The following SORCS2 variants were observed in gnomAD, a reference collection of about 807,000 sequenced individuals.
The protein encoded by SORCS2 is sortilin related VPS10 domain containing receptor 2, also known as VPS10 domain-containing receptor SorCS2.
In SORCS2, 100 loss-of-function variants were observed where a neutral mutation model predicts 141.6. The observed-to-expected ratio is 0.71, with a 90% CI of 0.60 to 0.83. The LOEUF (loss-of-function observed/expected upper bound fraction) is 0.83. Among genes scored for constraint, SORCS2 ranks in the 40% least tolerant of loss-of-function variants. The probability of loss-of-function intolerance (pLI) is 0.00; values close to 1 mark genes in which losing one functional copy is unlikely to be tolerated. For missense variants in SORCS2, 1,646 were observed against 1,560.2 expected (o/e 1.05, Z -0.93); for synonymous variants, 789 against 676.9 (o/e 1.17, Z -2.57).
Position 7,676,132 on chromosome 4 carries a change from A to G in SORCS2, c.1244A>G (p.Tyr415Cys). The G allele has an allele frequency of 6.3e-7, 1 of 1,578,090 alleles. No homozygotes were observed. The highest frequency in any genetic ancestry group is 1.7e-4 in the Middle Eastern group (1 of 6,022). ...EWYQMDTYNLYQSDPRGVRYA... is the reference protein window; with the variant it reads ...EWYQMDTYNLCQSDPRGVRYA... The stretch of plus-strand genomic sequence containing the variant: ...TACCAGATGGACACCTACAACCTGT[A>G]CCAGTCGGACCCACGGGGCGTGCGC... Residue 415 changes from tyrosine (Y) to cysteine (C), a missense_variant, in exon 9 of 27, where the codon TAC (tyrosine) becomes TGC (cysteine). Tyr to Cys is a radical substitution (Grantham distance 194, BLOSUM62 -2). Transcript: ENST00000507866.
chr4:7,500,123 C>T (rs113914085), intron 2 of SORCS2, among the ~76,000 whole-genome samples: 213 of 152,286 alleles, frequency 1.4e-3, no homozygotes, highest in Middle Eastern at 6.8e-3. Context: ...GCCTGTAACC[C>T]ACTCACCATC....
chr4:7,469,842 A>C (rs775321444), intron 2 of SORCS2, among the ~76,000 whole-genome samples: 1 of 152,152 alleles, frequency 6.6e-6, no homozygotes, highest in African/African-American at 2.4e-5. Context: ...CTGGCATCTC[A>C]TGGGGAGGCG....
chr4:7,275,929 A>T (rs79842534), intron 1 of SORCS2, among the ~76,000 whole-genome samples: 2,141 of 152,308 alleles, frequency 0.014, 54 homozygotes, highest in African/African-American at 0.048. Context: ...GTCCGAAAAA[A>T]GAATGCAAAT....
At chr4:7,507,521 G>A (rs1291131370) in intron 2 of SORCS2, among the ~76,000 whole-genome samples, 1 of 152,130 alleles carries the variant, frequency 6.6e-6, no homozygotes, top group African/African-American at 2.4e-5. Context: ...TCTAAGAATA[G>A]AAAAATTTTC....
chr4:7,416,332 A>G (rs1376867477), intron 2 of SORCS2, among the ~76,000 whole-genome samples: 1 of 152,170 alleles, frequency 6.6e-6, no homozygotes, highest in Non-Finnish European at 1.5e-5. Flanking sequence ...TGCTTGGCCC[A>G]CAGAGCTCCC....
intron 8 of SORCS2, among the ~76,000 whole-genome samples, chr4:7,668,194 T>C (rs147784466): frequency 6.6e-6 from 1 of 152,172 alleles, no homozygotes; most frequent in East Asian, 1.9e-4. Flanking sequence ...GACAGACAAA[T>C]GCATAAAATA....
At chr4:7,473,452 C>T (rs28361965) in intron 2 of SORCS2, among the ~76,000 whole-genome samples, 4 of 151,974 alleles carry the variant, frequency 2.6e-5, no homozygotes, top group East Asian at 3.9e-4. Flanking sequence ...CTTCACCCTG[C>T]GGTTGGGAAG....
chr4:7,679,748 A>G (rs1306179256), intron 9 of SORCS2, among the ~76,000 whole-genome samples: 1 of 76,866 alleles, frequency 1.3e-5, no homozygotes, highest in African/African-American at 4.5e-5. Context: ...AACTTGTGGG[A>G]CTTTTTTTTT....
chr4:7,495,247 A>C (rs963267907), intron 2 of SORCS2, among the ~76,000 whole-genome samples: 1 of 152,274 alleles, frequency 6.6e-6, no homozygotes, highest in East Asian at 1.9e-4. Context: ...AGCTGCATCA[A>C]CTCAGGCTCC....
intron 3 of SORCS2, among the ~76,000 whole-genome samples, chr4:7,588,191 G>C (rs116516233): frequency 0.021 from 3,167 of 152,292 alleles, 119 homozygotes; most frequent in African/African-American, 0.072. Context: ...AATCCTTTCT[G>C]TTCTCTGGGC....
intron 9 of SORCS2, among the ~76,000 whole-genome samples, chr4:7,680,153 C>T (rs988540291): frequency 1.3e-5 from 2 of 152,240 alleles, no homozygotes; most frequent in Non-Finnish European, 2.9e-5. Context: ...CCTTCAGCTC[C>T]AGACCACACA....
intron 7 of SORCS2, among the ~76,000 whole-genome samples, chr4:7,665,208 C>T (rs1480334638): frequency 6.6e-6 from 1 of 152,214 alleles, no homozygotes; most frequent in Non-Finnish European, 1.5e-5. Context: ...CCAGCCTCCT[C>T]CTTTCCATGT....
chr4:7,334,178 A>G (rs1477857429), intron 1 of SORCS2, among the ~76,000 whole-genome samples: 1 of 151,944 alleles, frequency 6.6e-6, no homozygotes, highest in Non-Finnish European at 1.5e-5. Flanking sequence ...AGGTGCCCAC[A>G]CAGGCATGTT....
chr4:7,640,475 TGTGA>T (rs796103252), intron 4 of SORCS2, among the ~76,000 whole-genome samples: 119 of 98,898 alleles, frequency 1.2e-3, no homozygotes, highest in Middle Eastern at 4.5e-3. Flanking sequence ...TGTGTGTGTG[TGTGA>T]GAGAGAGCCT....
At position 7,714,283 on chromosome 4, in the gene SORCS2, G is replaced by C; in HGVS notation, c.2033G>C (p.Arg678Thr). ...IMGQQRSFRK[R>T]KSTSWCIKGR... ...GGCCAGCAGAGAAGTTTCCGGAAAA[G>C]AAAGTCCACGTCCTGGTGCATCAAG... The change falls in exon 16 of 27, where the codon AGA becomes ACA. Residue 678 changes from arginine to threonine, a missense_variant. Arg to Thr is a moderately conservative substitution (Grantham distance 71, BLOSUM62 -1). Transcript: ENST00000507866. 1 of 1,609,418 alleles carries C rather than the reference G, an allele frequency of 6.2e-7. No homozygotes were observed. Among genetic ancestry groups the C allele is most frequent in the South Asian group, 1.1e-5 (1 of 89,444 alleles).
chr4:7,215,254 G>T (rs77533433), intron 1 of SORCS2, among the ~76,000 whole-genome samples: 48,261 of 152,098 alleles, frequency 0.32, 8,370 homozygotes, highest in Non-Finnish European at 0.39. Context: ...CCCCGGGCAA[G>T]GAGGGACTTA....
intron 1 of SORCS2, among the ~76,000 whole-genome samples, chr4:7,291,673 C>T (rs530833445): frequency 6.6e-6 from 1 of 152,304 alleles, no homozygotes; most frequent in East Asian, 1.9e-4. Flanking sequence ...GTCTCCGAGA[C>T]AGGAGAAACC....
At chr4:7,514,995 G>A (rs988089904) in intron 2 of SORCS2, among the ~76,000 whole-genome samples, 2 of 152,334 alleles carry the variant, frequency 1.3e-5, no homozygotes, top group Non-Finnish European at 2.9e-5. Flanking sequence ...CCTTTGGAAT[G>A]TGAAGGGCAT....
intron 1 of SORCS2, among the ~76,000 whole-genome samples, chr4:7,334,662 CAG>C (rs1277828915): frequency 6.6e-6 from 1 of 152,152 alleles, no homozygotes; most frequent in African/African-American, 2.4e-5. Context: ...GCTGAGGACA[CAG>C]GGGAGGTGGA....
Sources: allele counts gnomAD v4.1 joint callset (sites outside exome capture counted in the v4.1 genomes callset), GRCh38; gene constraint gnomAD v4.1.1; transcripts MANE v1.5; gene names NCBI Gene and HGNC (gene_info 2026-07-23, HGNC 2026-07-21).